Variants in NID2 observed in about 807,000 individuals in gnomAD.
NID2 encodes nidogen-2.
In NID2, 83 loss-of-function variants were observed where a neutral mutation model predicts 145.4. The observed-to-expected ratio is 0.57, with a 90% CI of 0.48 to 0.69. NID2 has a LOEUF of 0.69. Ranked by LOEUF, NID2 falls within the 30% of genes least tolerant of loss-of-function variation. The probability of loss-of-function intolerance (pLI) is 0.00; values close to 1 mark genes in which losing one functional copy is unlikely to be tolerated. For synonymous variants in NID2, 739 were observed against 701.3 expected, an observed-to-expected ratio of 1.05 and a Z score of -0.85; for missense variants, 1,807 against 1,765.7, an observed-to-expected ratio of 1.02 and a Z score of -0.42.
At chr14:52,016,626 A>G (rs951977106) in intron 14 of NID2, among the ~76,000 whole-genome samples, 4 of 152,168 alleles carry the variant, frequency 2.6e-5, no homozygotes, top group African/African-American at 9.7e-5. Context: ...AAAAAGCCTC[A>G]TCCTCTCCCT....
chr14:52,014,523 TACTTTACC>T (rs956031225), intron 15 of NID2, 67 bp from the exon 16 acceptor site: 1 of 1,495,588 alleles, frequency 6.7e-7, no homozygotes, highest in Non-Finnish European at 9.1e-7. Flanking sequence ...GAAGAAAAGT[TACTTTACC>T]ACATACCAGA....
chr14:52,060,073 TA>T, intron 3 of NID2, 50 bp downstream of exon 3: 1 of 1,368,364 alleles, frequency 7.3e-7, no homozygotes, highest in South Asian at 1.3e-5. Context: ...AGGTACTTCC[TA>T]AAAGTCCTTA....
At chr14:52,060,606 T>A (rs1010551216) in intron 2 of NID2, among the ~76,000 whole-genome samples, 1 of 152,228 alleles carries the variant, frequency 6.6e-6, no homozygotes, top group Non-Finnish European at 1.5e-5. Context: ...AGATTAATAG[T>A]TGAAATACGC....
intron 5 of NID2, among the ~76,000 whole-genome samples, chr14:52,043,854 A>C (rs1190754738): frequency 1.6e-4 from 24 of 152,212 alleles, no homozygotes. Context: ...TGCCAATCCC[A>C]AGCATGGCCA....
intron 9 of NID2, among the ~76,000 whole-genome samples, chr14:52,030,597 A>AGAACGGAAGGAAGG (rs1566755827): frequency 1.0e-4 from 10 of 99,404 alleles, no homozygotes; most frequent in East Asian, 3.5e-4. Flanking sequence ...AAAGAAAGAA[A>AGAACGGAAGGAAGG]GAAAGAAAGA....
intron 18 of NID2, 147 bp downstream of exon 18, chr14:52,010,729 C>CCT: frequency 1.4e-6 from 1 of 737,772 alleles, no homozygotes; most frequent in Non-Finnish European, 2.2e-6. Context: ...GGTCCTGACA[C>CCT]CTCTTAGATC....
At chr14:52,033,122 T>C (rs1891929999) in intron 9 of NID2, among the ~76,000 whole-genome samples, 1 of 152,232 alleles carries the variant, frequency 6.6e-6, no homozygotes, top group South Asian at 2.1e-4. Context: ...CTTGTAAGCT[T>C]TTCTCCTATT....
chr14:52,024,413 C>A (rs901170263), intron 12 of NID2, among the ~76,000 whole-genome samples: 1 of 152,196 alleles, frequency 6.6e-6, no homozygotes, highest in East Asian at 1.9e-4. Flanking sequence ...AGCAAGGAAC[C>A]AAGGCTTTCA....
At chr14:52,030,855 T>C (rs145578651) in intron 9 of NID2, among the ~76,000 whole-genome samples, 7 of 152,156 alleles carry the variant, frequency 4.6e-5, no homozygotes, top group African/African-American at 1.7e-4. Flanking sequence ...TGTCTTAAAA[T>C]ATATATATTT....
intron 5 of NID2, among the ~76,000 whole-genome samples, chr14:52,043,417 A>G (rs1473534512): frequency 1.3e-5 from 2 of 152,220 alleles, no homozygotes; most frequent in Admixed American, 6.5e-5. Context: ...CGCTACCAAG[A>G]TTGTTTTGAG....
chr14:52,015,216 A>G lies in NID2; in HGVS notation c.3088T>C (p.Tyr1030His). ...ERWRENLLEHYGGTPRDDQYV... is the reference protein window; with the variant it reads ...ERWRENLLEHHGGTPRDDQYV... Reference sequence around the variant, plus strand: ...TGGTCATCCCGGGGGGTGCCACCGTAGTGCTCCAGCAGGTTTTCCCTCCAG... The same window carrying G: ...TGGTCATCCCGGGGGGTGCCACCGTGGTGCTCCAGCAGGTTTTCCCTCCAG... The change falls in exon 15 of 22, where the codon TAC becomes CAC. Residue 1030 changes from tyrosine (Y) to histidine (H), a missense_variant. Coordinates refer to ENST00000216286, the MANE Select transcript of NID2 (RefSeq NM_007361.4). The G allele has an allele frequency of 6.2e-7, 1 of 1,613,872 alleles. No individual in the cohort carries two copies. Among genetic ancestry groups the G allele is most frequent in the Non-Finnish European group, 8.5e-7 (1 of 1,179,842 alleles).
At chr14:52,027,546 TA>T (rs1295175829) in intron 11 of NID2, among the ~76,000 whole-genome samples, 1 of 151,698 alleles carries the variant, frequency 6.6e-6, no homozygotes, top group East Asian at 1.9e-4. Context: ...CAAGTACTGG[TA>T]TGAATTTGCT....
chr14:52,022,236 C>T (rs556225944), intron 12 of NID2, among the ~76,000 whole-genome samples: 1 of 150,554 alleles, frequency 6.6e-6, no homozygotes, highest in East Asian at 1.9e-4. Context: ...CCCACAGATA[C>T]TGTTGGCATC....
At chr14:52,028,598 C>T in intron 11 of NID2, 124 bp downstream of exon 11, 2 of 1,130,902 alleles carry the variant, frequency 1.8e-6, no homozygotes, top group Non-Finnish European at 2.5e-6. Context: ...TTGATGTAAA[C>T]TGTCTTCTTA....
At chr14:52,029,895 T>C (rs1020074131) in intron 9 of NID2, among the ~76,000 whole-genome samples, 1 of 152,198 alleles carries the variant, frequency 6.6e-6, no homozygotes, top group Non-Finnish European at 1.5e-5. Context: ...GCCTACCCTA[T>C]AGACAACTAG....
chr14:52,019,912 G>A lies in NID2; in HGVS notation c.2794+147C>T, dbSNP rs186002699. ...CAGTGAACTATCAGTAAACTAGGCA[G>A]CAGGAGGTAACCAAGGAAAAAAATC... is the stretch of plus-strand genomic sequence containing the variant. On this transcript the variant is annotated intron_variant, in intron 13 of 21. Transcript: ENST00000216286. The A allele has an allele frequency of 3.1e-5, 33 of 1,073,426 alleles. No individual in the cohort carries two copies. The African/African-American group carries it at 4.9e-4, about 16-fold the overall frequency. 66.5% of individuals were successfully genotyped at this position (1,073,426 alleles called of 1,614,324 possible).
At chr14:52,022,001 C>T (rs746376150) in intron 12 of NID2, among the ~76,000 whole-genome samples, 4 of 152,148 alleles carry the variant, frequency 2.6e-5, no homozygotes, top group Non-Finnish European at 5.9e-5. Flanking sequence ...ATTCACAATA[C>T]GCATGCTAAA....
At chr14:52,054,454 C>G (rs573613834) in intron 3 of NID2, 133 bp from the exon 4 acceptor site, 2 of 944,940 alleles carry the variant, frequency 2.1e-6, no homozygotes, top group South Asian at 3.5e-5. Flanking sequence ...ATAATCCCAG[C>G]ACTTTGCAAG....
chr14:52,060,004 G>T, intron 3 of NID2, 120 bp downstream of exon 3: 1 of 636,080 alleles, frequency 1.6e-6, no homozygotes, highest in Non-Finnish European at 2.6e-6. Context: ...GTTTTGACTT[G>T]ATGCCTTACT....
Sources: gnomAD v4.1 joint callset for allele counts (sites outside exome capture counted in the v4.1 genomes callset) on GRCh38, gnomAD v4.1.1 for gene constraint, MANE v1.5 for transcripts, NCBI Gene and HGNC (gene_info 2026-07-23, HGNC 2026-07-21) for gene names.